The following STRAP variants were observed in gnomAD, a reference collection of about 807,000 sequenced individuals.
The protein encoded by STRAP is serine/threonine kinase receptor associated protein.
A neutral mutation model predicts 47.0 loss-of-function variants in STRAP; 16 were observed. That is an observed-to-expected ratio of 0.34 (90% CI 0.23 to 0.52). The LOEUF (loss-of-function observed/expected upper bound fraction) is 0.52, where lower values mean the gene tolerates loss of function less well. Ranked by LOEUF, STRAP falls within the 20% of genes least tolerant of loss-of-function variation. The probability of loss-of-function intolerance (pLI) is 0.96; values close to 1 mark genes in which losing one functional copy is unlikely to be tolerated. For missense variants in STRAP, 293 were observed against 420.0 expected (o/e 0.70, Z 2.64); for synonymous variants, 130 against 142.7 (o/e 0.91, Z 0.63).
chr12:15,895,278 G>C, intron 5 of STRAP, 81 bp from the exon 6 acceptor site: 3 of 1,059,570 alleles, frequency 2.8e-6, no homozygotes, highest in Non-Finnish European at 3.9e-6. Context: ...TTCTTTCGTT[G>C]GCTAATCTGC....
At chr12:15,900,879 C>A in intron 8 of STRAP, 68 bp from the exon 9 acceptor site, 1 of 1,307,134 alleles carries the variant, frequency 7.7e-7, no homozygotes, top group Non-Finnish European at 1.0e-6. Context: ...GCTCTTCTTG[C>A]TTATTGAACA....
rs1948007902 is a variant in STRAP, at chr12:15,890,708, C to G, written c.403+39C>G. On this transcript the variant is annotated intron_variant, in intron 4 of 9. Transcript: ENST00000419869. The surrounding 1 kb of genome is among the most constrained non-coding windows in gnomAD (Gnocchi z 4.5). ...AAACATCAGCTTCTAGTTTTATTTT[C>G]TTTTAATTTAAATAACTGATTAAAG... is the stretch of plus-strand genomic sequence containing the variant. 2 of 1,503,664 alleles carry G rather than the reference C, an allele frequency of 1.3e-6. No individual in the cohort carries two copies. Among genetic ancestry groups the G allele is most frequent in the South Asian group, 1.2e-5 (1 of 83,200 alleles). 93.1% of individuals were successfully genotyped at this position (1,503,664 alleles called of 1,614,324 possible).
Position 15,903,099 on chromosome 12 carries a change from G to T in STRAP, c.*121G>T, listed in dbSNP as rs1225181621. The T allele has an allele frequency of 8.9e-7, 1 of 1,122,516 alleles. No homozygotes were observed. Among genetic ancestry groups the T allele is most frequent in the Non-Finnish European group, 1.2e-6 (1 of 828,084 alleles). 69.5% of individuals were successfully genotyped at this position (1,122,516 alleles called of 1,614,324 possible). On this transcript the variant is annotated 3_prime_UTR_variant, in exon 10 of 10. Transcript: ENST00000419869. Reference sequence around the variant, plus strand: ...AACAGCAGTAAATAATGAGGAAAATGAATTAGCTCCAGTGCTGGAACAACT... The same window carrying T: ...AACAGCAGTAAATAATGAGGAAAATTAATTAGCTCCAGTGCTGGAACAACT...
At chr12:15,892,587 C>T (rs963102123) in intron 4 of STRAP, among the ~76,000 whole-genome samples, 14 of 152,126 alleles carry the variant, frequency 9.2e-5, no homozygotes, top group African/African-American at 3.1e-4. Flanking sequence ...AGCGGTTATT[C>T]TCTTGAGATA....
rs1947928833 is a variant in STRAP, at chr12:15,882,463, C to T, written c.-245C>T. On this transcript the variant is annotated 5_prime_UTR_variant, in exon 1 of 10. Coordinates refer to ENST00000419869, the MANE Select transcript of STRAP (RefSeq NM_007178.4). ...CCGGTTCTCCGCTTCTCCCCATCCC[C>T]TACTTTCCTCCCTCCCTCCCTTTCC... 3.7e-6 allele frequency: 2 copies of T among 539,128 alleles called. No individual in the cohort carries two copies. The highest frequency in any genetic ancestry group is 3.3e-5 in the Admixed American group (1 of 30,406). 33.4% of individuals were successfully genotyped at this position (539,128 alleles called of 1,614,324 possible). A position where few individuals can be genotyped will look rare whatever the true frequency, so the allele number is the denominator to read the frequency against.
chr12:15,890,098 A>G lies in STRAP; in HGVS notation c.330+89A>G. 1 of 1,131,992 alleles carries G rather than the reference A, an allele frequency of 8.8e-7. No homozygotes were observed. The highest frequency in any genetic ancestry group is 1.5e-5 in the African/African-American group (1 of 65,072). 70.1% of individuals were successfully genotyped at this position (1,131,992 alleles called of 1,614,324 possible). On this transcript the variant is annotated intron_variant, in intron 3 of 9. Coordinates refer to ENST00000419869, the MANE Select transcript of STRAP (RefSeq NM_007178.4). The surrounding 1 kb of genome is among the most constrained non-coding windows in gnomAD (Gnocchi z 4.5). Reference sequence around the variant, plus strand: ...TATACTTGATTGGTGTGTATATTTGATTGATATGTTTTGTGTGGAATATTT... The same window carrying G: ...TATACTTGATTGGTGTGTATATTTGGTTGATATGTTTTGTGTGGAATATTT...
chr12:15,883,688 C>T lies in STRAP; in HGVS notation c.248+12C>T. ...GCAGATTTCACAGCGTAAGTGTAGC[C>T]AAGATGGCTAACTTTGGTGTTCTCT... On this transcript the variant is annotated intron_variant, in intron 2 of 9. Coordinates refer to ENST00000419869, the MANE Select transcript of STRAP (RefSeq NM_007178.4). 6.2e-7 allele frequency: 1 copy of T among 1,613,058 alleles called. No homozygotes were observed. Among genetic ancestry groups the T allele is most frequent in the Non-Finnish European group, 8.5e-7 (1 of 1,179,678 alleles).
In STRAP at chr12:15,896,810, T is replaced by C. The variant is rs1389736981; in HGVS notation, c.639-1072T>C. ...GAAATGAGTTTAAAGTTCTTAGTTA[T>C]ACATGACACTTAATTGATTTCCATA... On this transcript the variant is annotated intron_variant, in intron 6 of 9. Transcript: ENST00000419869. This position sits in a 1 kb window ranked among gnomAD's most constrained non-coding sequence, Gnocchi z 4.1. 6.6e-6 allele frequency among the ~76,000 whole-genome samples: 1 copy of C among 152,244 alleles called. No homozygotes were observed. The highest frequency in any genetic ancestry group is 1.5e-5 in the Non-Finnish European group (1 of 68,042).
chr12:15,901,134 CTT>C (rs1466385230), intron 9 of STRAP, 122 bp downstream of exon 9: 3 of 667,642 alleles, frequency 4.5e-6, no homozygotes, highest in East Asian at 3.1e-5. Flanking sequence ...ATAATGGAAA[CTT>C]TAAATATTTA....
Position 15,887,995 on chromosome 12 carries a change from C to T in STRAP, c.249-1933C>T, listed in dbSNP as rs76893588. On this transcript the variant is annotated intron_variant, in intron 2 of 9. Transcript: ENST00000419869. The surrounding 1 kb of genome is among the most constrained non-coding windows in gnomAD (Gnocchi z 5.5). ...TTTCTTCACTTTTGATGCTTTCTGT[C>T]ATTCTAATACTTGTGAACCCTTACC... is the stretch of plus-strand genomic sequence containing the variant. Among the ~76,000 whole-genome samples, 1,640 of 152,266 alleles carry T rather than the reference C, an allele frequency of 0.011. 32 individuals are homozygous for T. The highest frequency in any genetic ancestry group is 0.038 in the African/African-American group (1,560 of 41,538).
At chr12:15,891,060 CAA>C (rs962648032) in intron 4 of STRAP, among the ~76,000 whole-genome samples, 2 of 125,074 alleles carry the variant, frequency 1.6e-5, no homozygotes, top group African/African-American at 2.9e-5. Flanking sequence ...AACTCAGTTT[CAA>C]AAAAAAAAAA....
rs1045646068 is a variant in STRAP at position 15,894,352 on chromosome 12, G to C, written c.500+209G>C. Among the ~76,000 whole-genome samples, 1 of 152,138 alleles carries C rather than the reference G, an allele frequency of 6.6e-6. No homozygotes were observed. Among genetic ancestry groups the C allele is most frequent in the Non-Finnish European group, 1.5e-5 (1 of 68,026 alleles). The stretch of plus-strand genomic sequence containing the variant: ...CACACACCTATAATCCCAGCTACTC[G>C]GGAGGCCGAGGCAGGAGAATCACTT... On this transcript the variant is annotated intron_variant, in intron 5 of 9. Transcript: ENST00000419869. The surrounding 1 kb of genome is among the most constrained non-coding windows in gnomAD (Gnocchi z 4.9).
intron 9 of STRAP, 33 bp from the exon 10 acceptor site, chr12:15,902,884 A>ATTTTTTTT: frequency 2.6e-6 from 2 of 764,368 alleles, no homozygotes; most frequent in Non-Finnish European, 1.9e-6. Context: ...GACTAATGTG[A>ATTTTTTTT]CTTTTTTTTT....
intron 7 of STRAP, among the ~76,000 whole-genome samples, chr12:15,898,801 G>A (rs1209297540): frequency 6.6e-6 from 1 of 151,854 alleles, no homozygotes; most frequent in Admixed American, 6.6e-5. Flanking sequence ...TCTTGTTCTT[G>A]TCTGTTTCTA....
rs1409064880 is a variant in STRAP at position 15,896,644 on chromosome 12, C to T, written c.638+1148C>T. On this transcript the variant is annotated intron_variant, in intron 6 of 9. Coordinates refer to ENST00000419869, the MANE Select transcript of STRAP (RefSeq NM_007178.4). The surrounding 1 kb of genome is among the most constrained non-coding windows in gnomAD (Gnocchi z 4.1). Reference sequence around the variant, plus strand: ...TCTTTGAAAACATTTTTACTTGATACACTGTATTTGCATCATAGGTTGTAC... The same window carrying T: ...TCTTTGAAAACATTTTTACTTGATATACTGTATTTGCATCATAGGTTGTAC... 6.6e-6 allele frequency among the ~76,000 whole-genome samples: 1 copy of T among 151,962 alleles called. No individual in the cohort carries two copies. Among genetic ancestry groups the T allele is most frequent in the African/African-American group, 2.4e-5 (1 of 41,366 alleles).
At chr12:15,889,829 A>T in intron 2 of STRAP, 99 bp from the exon 3 acceptor site, 1 of 860,272 alleles carries the variant, frequency 1.2e-6, no homozygotes, top group Admixed American at 2.3e-5. Flanking sequence ...CATTTCACAT[A>T]TCTAACTTAT....
intron 7 of STRAP, 135 bp from the exon 8 acceptor site, chr12:15,899,769 T>C: frequency 1.3e-6 from 1 of 790,004 alleles, no homozygotes; most frequent in Non-Finnish European, 2.0e-6. Flanking sequence ...GATGAGAAAT[T>C]AATTAAGTAC....
In STRAP at chr12:15,883,490, CT is replaced by C. The variant is rs750550299; in HGVS notation, c.113-48del. ...TGTATATTTACATTTGAATCTTAGA[CT>C]TTAAGTAATCTGAACTTATAAATTA... is the stretch of plus-strand genomic sequence containing the variant. On this transcript the variant is annotated intron_variant, in intron 1 of 9. Coordinates refer to ENST00000419869, the MANE Select transcript of STRAP (RefSeq NM_007178.4). The C allele has an allele frequency of 3.2e-6, 5 of 1,557,014 alleles. No homozygotes were observed. The African/African-American group carries it at 6.9e-5, about 22-fold the overall frequency.
chr12:15,900,162 T>C (rs192157321), intron 8 of STRAP, 109 bp downstream of exon 8: 2 of 1,172,684 alleles, frequency 1.7e-6, no homozygotes, highest in East Asian at 2.6e-5. Flanking sequence ...TTTTAAATTA[T>C]ATATTATGGT....
Sources: gnomAD v4.1 joint callset for allele counts (sites outside exome capture counted in the v4.1 genomes callset) on GRCh38, gnomAD v4.1.1 for gene constraint, Gnocchi (gnomAD v3.1) non-coding constraint, MANE v1.5 for transcripts, NCBI Gene and HGNC (gene_info 2026-07-23, HGNC 2026-07-21) for gene names.